The following ECPAS variants were observed in gnomAD, a reference collection of about 807,000 sequenced individuals.
ECPAS encodes the protein Ecm29 proteasome adaptor and scaffold.
Under a neutral mutation model 255.1 loss-of-function variants are expected in ECPAS, and 70 were observed. The ratio of observed to expected loss-of-function variants is 0.27; its 90% CI spans 0.23 to 0.33. The LOEUF (loss-of-function observed/expected upper bound fraction) is 0.33, where lower values mean the gene tolerates loss of function less well. ECPAS is among the 10% of genes least tolerant of loss of function. The pLI is 1.00. For synonymous variants in ECPAS, 784 were observed against 775.0 expected (o/e 1.01, Z -0.19); for missense variants, 1,817 against 2,206.4 (o/e 0.82, Z 3.54).
intron 2 of ECPAS, among the ~76,000 whole-genome samples, chr9:111,461,164 G>A (rs1274745968): frequency 1.3e-5 from 2 of 151,942 alleles, no homozygotes; most frequent in Non-Finnish European, 2.9e-5. Flanking sequence ...CAAATTTCAA[G>A]GCTAACTACA....
intron 2 of ECPAS, among the ~76,000 whole-genome samples, chr9:111,466,452 A>T (rs919462020): frequency 1.3e-4 from 19 of 150,406 alleles, no homozygotes; most frequent in Admixed American, 8.1e-4. Flanking sequence ...CTCAAAAAAT[A>T]AAAAAAAAGA....
chr9:111,481,110 G>C (rs1003069180), intron 1 of ECPAS, among the ~76,000 whole-genome samples: 8 of 152,216 alleles, frequency 5.3e-5, no homozygotes, highest in East Asian at 1.9e-4. Flanking sequence ...GGTTACTACT[G>C]ACAATATAGA....
chr9:111,381,669 TTAAC>T (rs1176981223), intron 35 of ECPAS, among the ~76,000 whole-genome samples: 2 of 152,182 alleles, frequency 1.3e-5, no homozygotes, highest in African/African-American at 2.4e-5. Flanking sequence ...AGCATATCCC[TTAAC>T]TAAACTTCAC....
At chr9:111,427,982 C>A in intron 10 of ECPAS, 60 bp downstream of exon 10, 1 of 1,511,634 alleles carries the variant, frequency 6.6e-7, no homozygotes. Flanking sequence ...AGTTCTTTCT[C>A]TAATTAAATA....
At chr9:111,367,358 G>A (rs1294631308) in intron 46 of ECPAS, among the ~76,000 whole-genome samples, 1 of 152,142 alleles carries the variant, frequency 6.6e-6, no homozygotes, top group Non-Finnish European at 1.5e-5. Context: ...AGATATATAT[G>A]AGAAGCCAAT....
chr9:111,411,049 C>T lies in ECPAS; in HGVS notation c.2308G>A (p.Asp770Asn). The change falls in exon 22 of 50, where the codon GAC becomes AAC. Residue 770 changes from aspartate (D) to asparagine (N), a missense_variant. By Grantham distance (23) the Asp-to-Asn change is conservative. Coordinates refer to ENST00000684092, the MANE Select transcript of ECPAS (RefSeq NM_001364929.1). ...AGGGTGTCAGCATTTCTCTCCAGGT[C>T]TTGTTGCTCTGACATTCTCATTTTC... ...KKKMRMSEQQ[D>N]LERNADTLPD... 6.2e-7 allele frequency: 1 copy of T among 1,613,888 alleles called. No individual in the cohort carries two copies. Among genetic ancestry groups the T allele is most frequent in the Non-Finnish European group, 8.5e-7 (1 of 1,179,826 alleles).
At chr9:111,423,756 A>G (rs918195377) in intron 12 of ECPAS, among the ~76,000 whole-genome samples, 1 of 152,198 alleles carries the variant, frequency 6.6e-6, no homozygotes, top group Admixed American at 6.5e-5. Context: ...CTACCATAAA[A>G]AATTAAGAGG....
At chr9:111,472,852 G>T in intron 2 of ECPAS, 45 bp downstream of exon 2, 2 of 639,126 alleles carry the variant, frequency 3.1e-6, no homozygotes, top group Non-Finnish European at 4.6e-6. Flanking sequence ...TTTAAATGCT[G>T]CTACAAAAAA....
intron 35 of ECPAS, 27 bp downstream of exon 35, chr9:111,383,184 A>G: frequency 6.2e-7 from 1 of 1,611,278 alleles, no homozygotes; most frequent in East Asian, 2.2e-5. Flanking sequence ...CAAATCCAAT[A>G]CATTCATTTC....
At position 111,397,710 on chromosome 9, in the gene ECPAS, ATTAT is replaced by A. The variant is rs1408529056; in HGVS notation, c.2653-561_2653-558del. Reference sequence around the variant, plus strand: ...ATATTTTATTAACATTTATTTAACAATTATTTAACTCTTTGCACTCTTAAATTAT... The same window carrying A: ...ATATTTTATTAACATTTATTTAACAATTAACTCTTTGCACTCTTAAATTAT... On this transcript the variant is annotated intron_variant, in intron 24 of 49. Coordinates refer to ENST00000684092, the MANE Select transcript of ECPAS (RefSeq NM_001364929.1). Among the ~76,000 whole-genome samples, 4 of 152,192 alleles carry A rather than the reference ATTAT, an allele frequency of 2.6e-5. No homozygotes were observed. The East Asian group carries it at 7.7e-4, about 29-fold the overall frequency.
chr9:111,482,560 C>G (rs555551080), intron 1 of ECPAS, among the ~76,000 whole-genome samples: 1 of 152,134 alleles, frequency 6.6e-6, no homozygotes, highest in South Asian at 2.1e-4. Flanking sequence ...GCTTGCAACA[C>G]CTCACCCATG....
At chr9:111,366,174 T>C (rs1006645814) in intron 48 of ECPAS, 65 bp downstream of exon 48, 1 of 1,060,210 alleles carries the variant, frequency 9.4e-7, no homozygotes, top group Non-Finnish European at 1.4e-6. Flanking sequence ...TAGGAAATAT[T>C]TGAAGCTCAG....
intron 3 of ECPAS, among the ~76,000 whole-genome samples, chr9:111,450,184 T>G (rs1043308908): frequency 6.6e-6 from 1 of 152,080 alleles, no homozygotes; most frequent in Non-Finnish European, 1.5e-5. Context: ...CAGTAAATAT[T>G]TGCTAAATAA....
chr9:111,470,105 A>T (rs551567982), intron 2 of ECPAS, among the ~76,000 whole-genome samples: 1 of 152,258 alleles, frequency 6.6e-6, no homozygotes, highest in Non-Finnish European at 1.5e-5. Context: ...AGTCCTGAGC[A>T]GGAGGTCCCT....
At chr9:111,483,922 C>T (rs923048343) in intron 1 of ECPAS, 194 bp downstream of exon 1, 23 of 716,888 alleles carry the variant, frequency 3.2e-5, no homozygotes, top group Non-Finnish European at 3.9e-5. Context: ...CTCCCAGCGG[C>T]CCCCCCGCCG....
chr9:111,457,398 TA>T (rs564722244), intron 2 of ECPAS, among the ~76,000 whole-genome samples: 66 of 152,262 alleles, frequency 4.3e-4, no homozygotes, highest in African/African-American at 1.2e-3. Context: ...AAAAAATTAT[TA>T]GACTGTGACC....
In ECPAS at chr9:111,412,077, T is replaced by G; in HGVS notation, c.2151A>C (p.Thr717=). ...AALFYSVVVS[T]VSGNELKSMI... ...TTGATTTCAACTCATTCCCCGACACTGTTGATACCACTACAGAATAAAACA... is the reference window on the plus strand; with the variant it reads ...TTGATTTCAACTCATTCCCCGACACGGTTGATACCACTACAGAATAAAACA... The change falls in exon 21 of 50, where the codon ACA becomes ACC. Residue 717 remains threonine (T), a synonymous_variant. Coordinates refer to ENST00000684092, the MANE Select transcript of ECPAS (RefSeq NM_001364929.1). 6.3e-7 allele frequency: 1 copy of G among 1,595,826 alleles called. No homozygotes were observed. Among genetic ancestry groups the G allele is most frequent in the Non-Finnish European group, 8.5e-7 (1 of 1,174,968 alleles).
rs1371724927 is a variant in ECPAS, at chr9:111,440,470, T to A, written c.441A>T (p.Glu147Asp). Residue 147 changes from glutamate to aspartate, a missense_variant, in exon 6 of 50, where the codon GAA becomes GAT. Physicochemically the swap from Glu to Asp is conservative, Grantham distance 45. This residue lies in a region of ECPAS where 573 missense variants were observed against 716.2 expected (regional missense o/e 0.80). Transcript: ENST00000684092. The part of the protein sequence containing the change: ...PTLFHMKYPV[E>D]SSKSASPFNL... The stretch of plus-strand genomic sequence containing the variant: ...TAAATGGAGAAGCTGATTTTGATGA[T>A]TCAACAGGGTATTTCATGTGAAAAA... The A allele has an allele frequency of 6.2e-7, 1 of 1,612,704 alleles. No homozygotes were observed. The highest frequency in any genetic ancestry group is 1.3e-5 in the African/African-American group (1 of 74,900).
intron 38 of ECPAS, 66 bp from the exon 39 acceptor site, chr9:111,374,104 G>T: frequency 7.9e-7 from 1 of 1,263,686 alleles, no homozygotes; most frequent in Non-Finnish European, 1.2e-6. Flanking sequence ...CAAACCATTG[G>T]CTTAGGTGCC....
Sources: gnomAD v4.1 joint callset for allele counts (sites outside exome capture counted in the v4.1 genomes callset) on GRCh38, gnomAD v4.1.1 for gene constraint, gnomAD v4.1.1 regional missense constraint, MANE v1.5 for transcripts, NCBI Gene and HGNC (gene_info 2026-07-23, HGNC 2026-07-21) for gene names.